The following ASAP2 variants were observed in gnomAD, a reference collection of about 807,000 sequenced individuals.
ASAP2 encodes arf-GAP with SH3 domain, ANK repeat and PH domain-containing protein 2.
In ASAP2, 45 loss-of-function variants were observed where a neutral mutation model predicts 131.4. The ratio of observed to expected loss-of-function variants is 0.34; its 90% CI spans 0.27 to 0.44. The LOEUF (loss-of-function observed/expected upper bound fraction) is 0.44. Ranked by LOEUF, ASAP2 falls within the 20% of genes least tolerant of loss-of-function variation. The pLI is 1.00. For missense variants in ASAP2, 1,011 were observed against 1,297.0 expected (o/e 0.78, Z 3.39); for synonymous variants, 510 against 503.0 (o/e 1.01, Z -0.19).
At chr2:9,254,223 A>T (rs1664936061) in intron 1 of ASAP2, among the ~76,000 whole-genome samples, 1 of 105,312 alleles carries the variant, frequency 9.5e-6, no homozygotes, top group Non-Finnish European at 1.9e-5. Flanking sequence ...AAAAAAAAAA[A>T]AAAAAAAAAA....
chr2:9,401,333 T>G lies in ASAP2; in HGVS notation c.2883T>G (p.Asp961Glu). The change falls in exon 27 of 28, where the codon GAT becomes GAG. Residue 961 changes from aspartate (D) to glutamate (E), a missense_variant. Physicochemically the swap from Asp to Glu is conservative, Grantham distance 45. Around this residue, in one of 2 missense-constraint regions of ASAP2, gnomAD observed 652 missense variants for 698.9 expected, o/e 0.93. Coordinates refer to ENST00000281419, the MANE Select transcript of ASAP2 (RefSeq NM_003887.3). ...ATAACTGTGTGGCTGACAACCCCGA[T>G]GAGCTCACCTTCTCCGAGGGGGATG... is the stretch of plus-strand genomic sequence containing the variant. ...ALYNCVADNP[D>E]ELTFSEGDVI... The G allele has an allele frequency of 6.2e-7, 1 of 1,613,566 alleles. No homozygotes were observed. Among genetic ancestry groups the G allele is most frequent in the Non-Finnish European group, 8.5e-7 (1 of 1,179,914 alleles).
chr2:9,355,773 T>G (rs1166452912), intron 12 of ASAP2, among the ~76,000 whole-genome samples: 1 of 152,194 alleles, frequency 6.6e-6, no homozygotes, highest in Non-Finnish European at 1.5e-5. Flanking sequence ...ATTGAGAGGA[T>G]AGTGATGGTT....
intron 2 of ASAP2, among the ~76,000 whole-genome samples, chr2:9,283,825 G>A (rs911354687): frequency 1.3e-5 from 2 of 152,152 alleles, no homozygotes; most frequent in Admixed American, 1.3e-4. Flanking sequence ...AAAGCAAGAT[G>A]TCCACTTTCT....
chr2:9,226,059 G>A (rs1662741097), intron 1 of ASAP2, among the ~76,000 whole-genome samples: 2 of 152,214 alleles, frequency 1.3e-5, no homozygotes, highest in South Asian at 2.1e-4. Flanking sequence ...CCTTGAAGGC[G>A]GAGGTTGTGT....
chr2:9,325,256 T>C (rs562884288), intron 6 of ASAP2, among the ~76,000 whole-genome samples: 1 of 152,352 alleles, frequency 6.6e-6, no homozygotes, highest in South Asian at 2.1e-4. Flanking sequence ...CTTCCTGGCC[T>C]ACCTCATAGA....
At chr2:9,351,746 A>T (rs1407228705) in intron 12 of ASAP2, among the ~76,000 whole-genome samples, 1 of 152,156 alleles carries the variant, frequency 6.6e-6, no homozygotes. Context: ...GTCACTTGTT[A>T]TGTGATTCAG....
chr2:9,333,943 A>G (rs1435014737), intron 7 of ASAP2, among the ~76,000 whole-genome samples: 1 of 146,456 alleles, frequency 6.8e-6, no homozygotes, highest in African/African-American at 2.5e-5. Flanking sequence ...TTCTCTACCC[A>G]CGGTTTCCTA....
chr2:9,309,238 G>A lies in ASAP2; in HGVS notation c.346-9286G>A, dbSNP rs111321038. ...GAAACAACTCAAATGTCCATCAGCAGGTGTCTGGCTAGACGGCAGTGTAGC... is the reference window on the plus strand; with the variant it reads ...GAAACAACTCAAATGTCCATCAGCAAGTGTCTGGCTAGACGGCAGTGTAGC... On this transcript the variant is annotated intron_variant, in intron 3 of 27. Transcript: ENST00000281419. 2.9e-3 allele frequency among the ~76,000 whole-genome samples: 447 copies of A among 152,332 alleles called. 6 individuals are homozygous for A. Among genetic ancestry groups the A allele is most frequent in the African/African-American group, 0.01 (421 of 41,578 alleles).
At chr2:9,358,947 A>G in intron 15 of ASAP2, 58 bp downstream of exon 15, 1 of 1,551,108 alleles carries the variant, frequency 6.4e-7, no homozygotes, top group Non-Finnish European at 8.7e-7. Flanking sequence ...GCTAAATTTT[A>G]CTTTTGGCAT....
Position 9,403,347 on chromosome 2 carries a change from A to T in ASAP2, c.*20A>T. 1 of 1,610,050 alleles carries T rather than the reference A, an allele frequency of 6.2e-7. No homozygotes were observed. The highest frequency in any genetic ancestry group is 1.1e-5 in the South Asian group (1 of 90,854). The stretch of plus-strand genomic sequence containing the variant: ...GACTGAATTGCTACTGAACAAAAGC[A>T]TTAACAGTTATGTTCCTGTTTCGTT... On this transcript the variant is annotated 3_prime_UTR_variant, in exon 28 of 28. Transcript: ENST00000281419.
At chr2:9,327,249 C>T (rs1670540232) in intron 6 of ASAP2, among the ~76,000 whole-genome samples, 1 of 152,112 alleles carries the variant, frequency 6.6e-6, no homozygotes, top group Admixed American at 6.5e-5. Context: ...TCATGAAGTC[C>T]TTCTATTTCC....
intron 22 of ASAP2, among the ~76,000 whole-genome samples, chr2:9,390,826 A>G (rs1329380151): frequency 5.9e-5 from 9 of 152,184 alleles, no homozygotes; most frequent in Non-Finnish European, 1.0e-4. Context: ...AATTTCATGG[A>G]TTGAGAAAAC....
chr2:9,375,950 G>C (rs1487347829), intron 17 of ASAP2, among the ~76,000 whole-genome samples: 1 of 152,222 alleles, frequency 6.6e-6, no homozygotes, highest in East Asian at 1.9e-4. Flanking sequence ...CAGCTGGAGT[G>C]GGTTTGCAGT....
At chr2:9,334,890 G>A (rs1671095634) in intron 8 of ASAP2, 77 bp downstream of exon 8, 1 of 1,509,774 alleles carries the variant, frequency 6.6e-7, no homozygotes, top group East Asian at 2.3e-5. Flanking sequence ...TCACTTCTGT[G>A]TAATCCTGTG....
intron 1 of ASAP2, among the ~76,000 whole-genome samples, chr2:9,223,508 G>A (rs1441715869): frequency 1.3e-5 from 2 of 152,174 alleles, no homozygotes; most frequent in Non-Finnish European, 2.9e-5. Context: ...GTGTAAATTA[G>A]GGAGTAACAG....
At chr2:9,372,795 C>T (rs796136992) in intron 16 of ASAP2, among the ~76,000 whole-genome samples, 9 of 152,150 alleles carry the variant, frequency 5.9e-5, no homozygotes, top group African/African-American at 1.4e-4. Flanking sequence ...CACTGTGGGA[C>T]GCAGTCACAC....
At chr2:9,388,219 C>A in intron 21 of ASAP2, 75 bp from the exon 22 acceptor site, 1 of 1,581,944 alleles carries the variant, frequency 6.3e-7, no homozygotes, top group Non-Finnish European at 8.6e-7. Flanking sequence ...GAGGTTTTCA[C>A]CCCTGTGTTG....
At chr2:9,361,180 G>A (rs1406522503) in intron 15 of ASAP2, among the ~76,000 whole-genome samples, 1 of 152,184 alleles carries the variant, frequency 6.6e-6, no homozygotes, top group African/African-American at 2.4e-5. Flanking sequence ...ATCAATGTCT[G>A]CAGATATTTT....
chr2:9,286,224 C>T (rs1442561478), intron 2 of ASAP2, among the ~76,000 whole-genome samples: 3 of 151,982 alleles, frequency 2.0e-5, no homozygotes, highest in African/African-American at 7.3e-5. Flanking sequence ...TGGCGAAACC[C>T]TGCCTCTACA....
Sources: allele counts gnomAD v4.1 joint callset (sites outside exome capture counted in the v4.1 genomes callset), GRCh38; gene constraint gnomAD v4.1.1; regional missense constraint gnomAD v4.1.1; transcripts MANE v1.5; gene names NCBI Gene and HGNC (gene_info 2026-07-23, HGNC 2026-07-21).